KLHDC4: variants seen among roughly 807,000 people sequenced by gnomAD.
KLHDC4 encodes kelch domain containing 4, also known as kelch domain-containing protein 4.
A neutral mutation model predicts 62.4 loss-of-function variants in KLHDC4; 90 were observed. The ratio of observed to expected loss-of-function variants is 1.44; its 90% CI spans 1.22 to 1.72. The LOEUF is 1.72. Among genes scored for constraint, KLHDC4 ranks in the 40% most tolerant of loss-of-function variants. The probability of loss-of-function intolerance (pLI) is 0.00; values close to 1 mark genes in which losing one functional copy is unlikely to be tolerated. For synonymous variants in KLHDC4, 386 were observed against 284.4 expected (o/e 1.36, Z -3.59); for missense variants, 1,025 against 699.7 (o/e 1.47, Z -5.25).
chr16:87,714,799 G>A (rs925226164), intron 7 of KLHDC4, among the ~76,000 whole-genome samples: 3 of 152,130 alleles, frequency 2.0e-5, no homozygotes, highest in East Asian at 1.9e-4. Context: ...TAATGGCCGC[G>A]ATCACACAGT....
intron 5 of KLHDC4, among the ~76,000 whole-genome samples, chr16:87,740,118 C>T (rs769790556): frequency 1.3e-5 from 2 of 152,160 alleles, no homozygotes; most frequent in East Asian, 3.9e-4. Flanking sequence ...TGCACCTTCT[C>T]CAGGGGACAG....
chr16:87,725,977 C>T (rs892707893), intron 7 of KLHDC4, among the ~76,000 whole-genome samples: 2 of 152,144 alleles, frequency 1.3e-5, no homozygotes, highest in African/African-American at 4.8e-5. Flanking sequence ...ATCGCTCACA[C>T]TGCACTGCTG....
intron 7 of KLHDC4, among the ~76,000 whole-genome samples, chr16:87,720,953 C>A (rs564506598): frequency 6.6e-6 from 1 of 152,230 alleles, no homozygotes; most frequent in Non-Finnish European, 1.5e-5. Context: ...CTCTGCGTGT[C>A]TGAACCGGGA....
At chr16:87,741,651 A>C (rs1178051539) in intron 5 of KLHDC4, among the ~76,000 whole-genome samples, 1 of 152,126 alleles carries the variant, frequency 6.6e-6, no homozygotes, top group Non-Finnish European at 1.5e-5. Context: ...ACACAACTCA[A>C]ATCAGATTAT....
downstream of KLHDC4, among the ~76,000 whole-genome samples, chr16:87,707,418 G>A (rs1455844443): frequency 6.6e-6 from 1 of 152,194 alleles, no homozygotes; most frequent in African/African-American, 2.4e-5. Flanking sequence ...GGCGGCAGGT[G>A]GCTCCCAGGA....
chr16:87,708,134 T>C lies in KLHDC4; in HGVS notation c.*2-59A>G, dbSNP rs188312476. 2.7e-4 allele frequency: 179 copies of C among 660,214 alleles called. No individual in the cohort carries two copies. The African/African-American group carries it at 2.8e-3, about 10-fold the overall frequency. 40.9% of individuals were successfully genotyped at this position (660,214 alleles called of 1,614,324 possible). A position where few individuals can be genotyped will look rare whatever the true frequency, so the allele number is the denominator to read the frequency against. On this transcript the variant is annotated intron_variant, in intron 11 of 11. Transcript: ENST00000270583. ...CACATTCAGCCGAGGGGGAGGCCCG[T>C]GCAGGAGGGGTAGAGAGAACACCGG...
intron 7 of KLHDC4, among the ~76,000 whole-genome samples, chr16:87,725,999 G>A (rs1480341008): frequency 6.6e-6 from 1 of 152,120 alleles, no homozygotes; most frequent in Non-Finnish European, 1.5e-5. Context: ...CAGGGGTGTG[G>A]AGAACAGAAC....
intron 4 of KLHDC4, among the ~76,000 whole-genome samples, chr16:87,754,174 C>T (rs1048395332): frequency 4.0e-5 from 6 of 151,652 alleles, no homozygotes; most frequent in African/African-American, 1.2e-4. Flanking sequence ...ATGTAGAAGG[C>T]ACCTTAGCCA....
rs546426686 is a variant in KLHDC4 at position 87,760,606 on chromosome 16, CAA to C, written c.191+1341_191+1342del. Among the ~76,000 whole-genome samples, 21 of 52,176 alleles carry C rather than the reference CAA, an allele frequency of 4.0e-4. No homozygotes were observed. The South Asian group carries it at 4.1e-3, about 10-fold the overall frequency. 34.2% of individuals were successfully genotyped at this position (52,176 alleles called of 152,430 possible). ...TGGGTGACAGAGTGAGACTCCGTCC[CAA>C]AAAAAAAAAAAAAAAAAAGTCTCTA... On this transcript the variant is annotated intron_variant, in intron 2 of 11. Transcript: ENST00000270583.
At chr16:87,735,626 T>C (rs908671182) in intron 5 of KLHDC4, among the ~76,000 whole-genome samples, 2 of 152,246 alleles carry the variant, frequency 1.3e-5, no homozygotes, top group African/African-American at 4.8e-5. Context: ...ATAAAAAGAT[T>C]CCACGTCCCT....
chr16:87,746,608 C>A (rs1328415794), intron 5 of KLHDC4, among the ~76,000 whole-genome samples: 1 of 152,188 alleles, frequency 6.6e-6, no homozygotes, highest in Non-Finnish European at 1.5e-5. Context: ...CCACACAGGT[C>A]TCCCTTGCTA....
intron 7 of KLHDC4, among the ~76,000 whole-genome samples, chr16:87,718,060 G>A (rs2037355266): frequency 1.3e-5 from 2 of 152,134 alleles, no homozygotes; most frequent in Non-Finnish European, 2.9e-5. Flanking sequence ...AGGGCCCATG[G>A]TTCGACCTCC....
chr16:87,719,059 C>A (rs1246276628), intron 7 of KLHDC4, among the ~76,000 whole-genome samples: 1 of 150,782 alleles, frequency 6.6e-6, no homozygotes, highest in Non-Finnish European at 1.5e-5. Flanking sequence ...TGGGGGGCAG[C>A]CCCCGCCCGG....
intron 8 of KLHDC4, among the ~76,000 whole-genome samples, chr16:87,712,126 C>G (rs2036006661): frequency 1.3e-5 from 2 of 152,246 alleles, no homozygotes; most frequent in African/African-American, 4.8e-5. Flanking sequence ...CCTTGGGCTG[C>G]AGTGTGGCCA....
chr16:87,739,526 C>T (rs2041919263), intron 5 of KLHDC4, among the ~76,000 whole-genome samples: 1 of 149,712 alleles, frequency 6.7e-6, no homozygotes, highest in Non-Finnish European at 1.5e-5. Flanking sequence ...CACACACCAG[C>T]ATCTCATCCA....
chr16:87,701,669 T>C, exon 1 of KLHDC4: 1 of 456,402 alleles, frequency 2.2e-6, no homozygotes, highest in Non-Finnish European at 4.4e-6. Context: ...CGTCCACTCC[T>C]GGCATTTGGG....
At chr16:87,738,511 C>A (rs1277584843) in intron 5 of KLHDC4, among the ~76,000 whole-genome samples, 1 of 152,136 alleles carries the variant, frequency 6.6e-6, no homozygotes, top group East Asian at 1.9e-4. Context: ...ACCCAAGTGC[C>A]CAACAGAAAA....
intron 4 of KLHDC4, among the ~76,000 whole-genome samples, chr16:87,754,936 C>T (rs2044626981): frequency 6.6e-6 from 1 of 152,162 alleles, no homozygotes; most frequent in Non-Finnish European, 1.5e-5. Context: ...GTGGCTGCGA[C>T]ACACCAGGAA....
chr16:87,727,387 C>T (rs968860198), intron 6 of KLHDC4, among the ~76,000 whole-genome samples: 2 of 152,190 alleles, frequency 1.3e-5, no homozygotes, highest in African/African-American at 4.8e-5. Context: ...CAGTGAATGG[C>T]GCCTCCAAAG....
Sources: allele counts gnomAD v4.1 joint callset (sites outside exome capture counted in the v4.1 genomes callset), GRCh38; gene constraint gnomAD v4.1.1; transcripts MANE v1.5; gene names NCBI Gene and HGNC (gene_info 2026-07-23, HGNC 2026-07-21).